TMEM204: variants seen among roughly 807,000 people sequenced by gnomAD.
The protein encoded by TMEM204 is claudin-like protein 24.
TMEM204 carries 15 observed loss-of-function variants against 19.4 expected under a neutral mutation model. That is an observed-to-expected ratio of 0.77 (90% CI 0.52 to 1.19). TMEM204 has a LOEUF of 1.19. Among genes scored for constraint, TMEM204 ranks in the 50% most tolerant of loss-of-function variants. The probability of loss-of-function intolerance (pLI) is 0.00; values close to 1 mark genes in which losing one functional copy is unlikely to be tolerated. For synonymous variants in TMEM204, 161 were observed against 146.0 expected, an observed-to-expected ratio of 1.10 and a Z score of -0.74; for missense variants, 287 against 321.2, an observed-to-expected ratio of 0.89 and a Z score of 0.81.
At chr16:1,550,555 G>A (rs1215334938) in intron 2 of TMEM204, among the ~76,000 whole-genome samples, 7 of 152,270 alleles carry the variant, frequency 4.6e-5, no homozygotes, top group African/African-American at 1.7e-4. Flanking sequence ...TGGGCCTCGA[G>A]GGACCCAGCG....
intron 1 of TMEM204, among the ~76,000 whole-genome samples, chr16:1,536,041 C>G (rs1222188612): frequency 1.3e-5 from 2 of 152,236 alleles, no homozygotes; most frequent in African/African-American, 4.8e-5. Context: ...GGAGGTGGGG[C>G]CGGGCGCTCA....
chr16:1,550,650 G>A (rs1462595299), intron 2 of TMEM204, among the ~76,000 whole-genome samples: 4 of 152,170 alleles, frequency 2.6e-5, no homozygotes, highest in East Asian at 3.9e-4. Flanking sequence ...CTGCCTACCC[G>A]CTCTGTGCTT....
upstream of TMEM204, among the ~76,000 whole-genome samples, chr16:1,530,131 A>ATTTTTTTTTTTTTTTT (rs2030295926): frequency 3.2e-5 from 4 of 126,530 alleles, no homozygotes; most frequent in African/African-American, 1.5e-4. Context: ...CACGACGGGA[A>ATTTTTTTTTTTTTTTT]TCTTTTTTTT....
rs927007229 is a variant in TMEM204 at position 1,545,886 on chromosome 16, G to A, written c.436+3810G>A. 2.6e-5 allele frequency among the ~76,000 whole-genome samples: 4 copies of A among 152,146 alleles called. No homozygotes were observed. In the South Asian group the frequency reaches 6.2e-4, roughly 24 times the overall value. ...GGTCTGCAAAGGGACCACCCTCCTC[G>A]CCCCTCAAGGCTCCCTCTTCCCTGC... On this transcript the variant is annotated intron_variant, in intron 2 of 2. Transcript: ENST00000566264.
At chr16:1,548,625 G>C (rs954912703) in intron 2 of TMEM204, among the ~76,000 whole-genome samples, 1 of 152,178 alleles carries the variant, frequency 6.6e-6, no homozygotes, top group Admixed American at 6.5e-5. Context: ...TGAGGAGAGA[G>C]GGAATCTTAA....
Position 1,534,217 on chromosome 16 carries a change from G to A in TMEM204, c.-59G>A, listed in dbSNP as rs1262168496. 5.7e-6 allele frequency: 9 copies of A among 1,592,030 alleles called. No homozygotes were observed. The African/African-American group carries it at 8.1e-5, about 14-fold the overall frequency. On this transcript the variant is annotated 5_prime_UTR_variant, in exon 1 of 3. In the 5' UTR this introduces an upstream ATG that the reference lacks. Coordinates refer to ENST00000566264, the MANE Select transcript of TMEM204 (RefSeq NM_024600.6). ...CTAGCAGCGTCGGCTCTCCCTGGACGTGCGGCCGCGGACTGGGACTTGGCT... is the reference window on the plus strand; with the variant it reads ...CTAGCAGCGTCGGCTCTCCCTGGACATGCGGCCGCGGACTGGGACTTGGCT...
At chr16:1,537,173 G>A (rs565290882) in intron 1 of TMEM204, among the ~76,000 whole-genome samples, 42 of 152,336 alleles carry the variant, frequency 2.8e-4, no homozygotes, top group African/African-American at 9.4e-4. Flanking sequence ...GTCTAGGGTC[G>A]GGGTGGGGCA....
intron 2 of TMEM204, chr16:1,554,253 A>G (rs1335745330): frequency 1.7e-6 from 1 of 578,650 alleles, no homozygotes; most frequent in East Asian, 6.9e-5. Context: ...AAACTGTCAG[A>G]AGCATAGCTC....
chr16:1,544,151 G>T (rs1264967663), intron 2 of TMEM204, among the ~76,000 whole-genome samples: 1 of 150,256 alleles, frequency 6.7e-6, no homozygotes, highest in Non-Finnish European at 1.5e-5. Context: ...CCGTGTAGGT[G>T]GGATTGCAGG....
At chr16:1,537,777 T>C (rs956127812) in intron 1 of TMEM204, among the ~76,000 whole-genome samples, 2 of 152,170 alleles carry the variant, frequency 1.3e-5, no homozygotes, top group African/African-American at 4.8e-5. Context: ...GACCGTGTGA[T>C]TGAATCTCGA....
intron 2 of TMEM204, among the ~76,000 whole-genome samples, chr16:1,552,365 G>A (rs1446712902): frequency 6.6e-6 from 1 of 151,686 alleles, no homozygotes; most frequent in Non-Finnish European, 1.5e-5. Context: ...CCTCTGTCTC[G>A]GGTGTCCTGA....
chr16:1,534,811 G>A (rs1476314545), intron 1 of TMEM204, among the ~76,000 whole-genome samples: 1 of 151,542 alleles, frequency 6.6e-6, no homozygotes, highest in Non-Finnish European at 1.5e-5. Context: ...TTTTACACAG[G>A]AATTCATCTC....
chr16:1,547,923 C>T (rs2235645), intron 2 of TMEM204, among the ~76,000 whole-genome samples: 37,372 of 152,106 alleles, frequency 0.25, 4,842 homozygotes, highest in South Asian at 0.33. Context: ...GTGATCCTCC[C>T]GCTTCAGCCT....
intron 2 of TMEM204, among the ~76,000 whole-genome samples, chr16:1,547,011 T>C (rs754464649): frequency 6.6e-6 from 1 of 152,234 alleles, no homozygotes; most frequent in Non-Finnish European, 1.5e-5. Context: ...TGGGGACCTG[T>C]GGCATCTTTG....
intron 1 of TMEM204, 27 bp from the exon 2 acceptor site, chr16:1,541,894 C>T (rs1413729823): frequency 1.3e-6 from 2 of 1,565,758 alleles, no homozygotes; most frequent in Non-Finnish European, 8.7e-7. Context: ...CTGCACTCAC[C>T]ACTGCCTCTC....
intron 2 of TMEM204, among the ~76,000 whole-genome samples, chr16:1,546,039 C>A (rs191024503): frequency 6.6e-6 from 1 of 152,376 alleles, no homozygotes; most frequent in African/African-American, 2.4e-5. Flanking sequence ...CTTCTCCCCT[C>A]TCCTCCTCGT....
intron 1 of TMEM204, among the ~76,000 whole-genome samples, chr16:1,535,654 A>G (rs1305312893): frequency 6.6e-6 from 1 of 152,170 alleles, no homozygotes; most frequent in African/African-American, 2.4e-5. Flanking sequence ...GGGGAATGTC[A>G]TCCCCACTTC....
chr16:1,546,279 G>C (rs949071702), intron 2 of TMEM204, among the ~76,000 whole-genome samples: 3 of 152,196 alleles, frequency 2.0e-5, no homozygotes, highest in Non-Finnish European at 2.9e-5. Context: ...GGCAGCCTAG[G>C]CCGGGAGGCT....
intron 2 of TMEM204, among the ~76,000 whole-genome samples, chr16:1,548,427 G>A (rs2141357152): frequency 6.6e-6 from 1 of 152,356 alleles, no homozygotes; most frequent in Non-Finnish European, 1.5e-5. Context: ...CTGCAGAGCT[G>A]TAATTCACAC....
Sources: gnomAD v4.1 joint callset for allele counts (sites outside exome capture counted in the v4.1 genomes callset) on GRCh38, gnomAD v4.1.1 for gene constraint, MANE v1.5 for transcripts, NCBI Gene and HGNC (gene_info 2026-07-23, HGNC 2026-07-21) for gene names.